CDK8: variants seen among roughly 807,000 people sequenced by gnomAD.
CDK8 encodes the protein cyclin dependent kinase 8, also known as cyclin-dependent kinase 8.
In CDK8, 29 loss-of-function variants were observed where a neutral mutation model predicts 71.5. The observed-to-expected ratio is 0.41, with a 90% CI of 0.30 to 0.55. The LOEUF is 0.55. CDK8 is among the 20% of genes least tolerant of loss of function. The pLI is 0.37. For missense variants in CDK8, 288 were observed against 572.6 expected (o/e 0.50, Z 5.07); for synonymous variants, 161 against 192.1 (o/e 0.84, Z 1.34).
intron 2 of CDK8, among the ~76,000 whole-genome samples, chr13:26,347,988 T>C (rs1243271314): frequency 6.6e-6 from 1 of 152,142 alleles, no homozygotes; most frequent in Admixed American, 6.5e-5. Context: ...TGTATACCAC[T>C]GTTCATAGCA....
intron 1 of CDK8, among the ~76,000 whole-genome samples, chr13:26,257,860 A>AATAG (rs1345845276): frequency 6.6e-6 from 1 of 151,866 alleles, no homozygotes; most frequent in African/African-American, 2.4e-5. Flanking sequence ...TGTTCCAAAG[A>AATAG]ATAGATAATT....
At chr13:26,275,472 TA>T (rs1872526097) in intron 1 of CDK8, among the ~76,000 whole-genome samples, 2 of 152,238 alleles carry the variant, frequency 1.3e-5, no homozygotes, top group South Asian at 4.1e-4. Context: ...TACTACAAGG[TA>T]TTCTATTTAA....
intron 4 of CDK8, among the ~76,000 whole-genome samples, chr13:26,375,751 C>T (rs1260315808): frequency 6.6e-6 from 1 of 152,190 alleles, no homozygotes; most frequent in African/African-American, 2.4e-5. Flanking sequence ...ATGAAGATGT[C>T]TGTAAACTGA....
At chr13:26,381,451 CGT>C (rs1458131433) in intron 4 of CDK8, among the ~76,000 whole-genome samples, 1 of 151,712 alleles carries the variant, frequency 6.6e-6, no homozygotes. Context: ...GTTAGAAGTG[CGT>C]GTGTGTGTGG....
chr13:26,400,203 G>T, intron 9 of CDK8: 1 of 408,636 alleles, frequency 2.4e-6, no homozygotes, highest in Non-Finnish European at 4.4e-6. Flanking sequence ...GATAATGGGG[G>T]TGGGGATCCA....
At chr13:26,375,037 C>T (rs1874880967) in intron 4 of CDK8, among the ~76,000 whole-genome samples, 1 of 151,780 alleles carries the variant, frequency 6.6e-6, no homozygotes, top group Admixed American at 6.6e-5. Flanking sequence ...AAATTCATAT[C>T]AGAAAAGTAA....
intron 6 of CDK8, among the ~76,000 whole-genome samples, chr13:26,385,860 T>C (rs1028752534): frequency 6.6e-6 from 1 of 152,208 alleles, no homozygotes; most frequent in Non-Finnish European, 1.5e-5. Context: ...CATAGAAAGA[T>C]ATCAAAAATC....
At chr13:26,290,526 G>T (rs1419151787) in intron 1 of CDK8, among the ~76,000 whole-genome samples, 1 of 152,108 alleles carries the variant, frequency 6.6e-6, no homozygotes, top group African/African-American at 2.4e-5. Context: ...TATTAAAAGA[G>T]CAATTGGAGT....
At chr13:26,356,797 C>T (rs903977465) in intron 4 of CDK8, among the ~76,000 whole-genome samples, 1 of 152,050 alleles carries the variant, frequency 6.6e-6, no homozygotes, top group African/African-American at 2.4e-5. Flanking sequence ...TTTGTTGTTA[C>T]TTGCATATGA....
intron 4 of CDK8, among the ~76,000 whole-genome samples, chr13:26,375,773 T>A (rs1294275182): frequency 6.6e-6 from 1 of 152,216 alleles, no homozygotes; most frequent in Non-Finnish European, 1.5e-5. Context: ...AAAATATGAT[T>A]TATAGGAGAT....
At chr13:26,392,722 T>C (rs186983502) in intron 6 of CDK8, among the ~76,000 whole-genome samples, 2 of 152,294 alleles carry the variant, frequency 1.3e-5, no homozygotes, top group African/African-American at 4.8e-5. Flanking sequence ...GCTTATGGCA[T>C]CAAGAACCAC....
rs761689941 is a variant in CDK8, at chr13:26,292,594, C to G, written c.128+37825C>G. Reference sequence around the variant, plus strand: ...CCATATAGCTAAGCCCATTAAAAGTCACACAGGAAGCAGGAAAATGTGATA... The same window carrying G: ...CCATATAGCTAAGCCCATTAAAAGTGACACAGGAAGCAGGAAAATGTGATA... On this transcript the variant is annotated intron_variant, in intron 1 of 12. Transcript: ENST00000381527. Among the ~76,000 whole-genome samples the G allele has an allele frequency of 2.4e-4, 37 of 152,218 alleles. No individual in the cohort carries two copies. In the Middle Eastern group the frequency reaches 0.01, roughly 42 times the overall value.
chr13:26,354,401 G>T (rs1266881081), intron 4 of CDK8, among the ~76,000 whole-genome samples: 2 of 152,134 alleles, frequency 1.3e-5, no homozygotes, highest in Non-Finnish European at 2.9e-5. Context: ...GAACTTTTGA[G>T]AATTTAAAAA....
chr13:26,262,660 A>T (rs913613183), intron 1 of CDK8, among the ~76,000 whole-genome samples: 3 of 152,200 alleles, frequency 2.0e-5, no homozygotes, highest in African/African-American at 7.2e-5. Context: ...TAGAAATAAT[A>T]TTTTTTTGAA....
intron 4 of CDK8, among the ~76,000 whole-genome samples, chr13:26,376,740 TAGGC>T (rs546581414): frequency 8.2e-4 from 125 of 152,298 alleles, no homozygotes; most frequent in African/African-American, 2.9e-3. Flanking sequence ...TTGCCTAAAA[TAGGC>T]AGCTTAAGAA....
chr13:26,333,132 A>G (rs1180746239), intron 1 of CDK8, among the ~76,000 whole-genome samples: 1 of 151,388 alleles, frequency 6.6e-6, no homozygotes. Flanking sequence ...CACAATATTA[A>G]TTATATACCT....
intron 1 of CDK8, among the ~76,000 whole-genome samples, chr13:26,327,841 A>G (rs922411001): frequency 6.6e-6 from 1 of 152,348 alleles, no homozygotes; most frequent in South Asian, 2.1e-4. Context: ...ACAAAAATAA[A>G]AAGAAAGAAA....
intron 4 of CDK8, among the ~76,000 whole-genome samples, chr13:26,369,709 CTTTTTTTTT>C (rs36116401): frequency 5.2e-5 from 5 of 95,386 alleles, no homozygotes; most frequent in South Asian, 7.7e-4. Flanking sequence ...TTCTTTCTTT[CTTTTTTTTT>C]TTTTTTTTTT....
At chr13:26,289,280 C>T (rs1301660074) in intron 1 of CDK8, among the ~76,000 whole-genome samples, 1 of 151,560 alleles carries the variant, frequency 6.6e-6, no homozygotes, top group East Asian at 2.0e-4. Flanking sequence ...GTCTCAATCT[C>T]CTGACCTCGT....
Sources: gnomAD v4.1 joint callset for allele counts (sites outside exome capture counted in the v4.1 genomes callset) on GRCh38, gnomAD v4.1.1 for gene constraint, MANE v1.5 for transcripts, NCBI Gene and HGNC (gene_info 2026-07-23, HGNC 2026-07-21) for gene names.